Variants in ABLIM1 observed in about 807,000 individuals in gnomAD.
ABLIM1 encodes the protein actin-binding LIM protein 1.
ABLIM1 carries 40 observed loss-of-function variants against 107.0 expected under a neutral mutation model. That is an observed-to-expected ratio of 0.37 (90% CI 0.29 to 0.49). ABLIM1 has a LOEUF of 0.49. ABLIM1 is among the 20% of genes least tolerant of loss of function. The probability of loss-of-function intolerance (pLI) is 0.97; values close to 1 mark genes in which losing one functional copy is unlikely to be tolerated. For missense variants in ABLIM1, 857 were observed against 1,008.5 expected (o/e 0.85, Z 2.04); for synonymous variants, 357 against 357.3 (o/e 1.00, Z 0.01).
At chr10:114,535,066 G>A (rs2065848559) in intron 6 of ABLIM1, among the ~76,000 whole-genome samples, 1 of 152,192 alleles carries the variant, frequency 6.6e-6, no homozygotes, top group African/African-American at 2.4e-5. Context: ...TTCCCAACCT[G>A]ATAGCCATGA....
Position 114,644,329 on chromosome 10 carries a change from A to ATATATATATATGTG in ABLIM1, c.244+13627_244+13628insCACATATATATATA, listed in dbSNP as rs1158947105. Among the ~76,000 whole-genome samples, 189 of 114,844 alleles carry ATATATATATATGTG rather than the reference A, an allele frequency of 1.6e-3. 3 individuals are homozygous for ATATATATATATGTG. The highest frequency in any genetic ancestry group is 7.5e-3 in the African/African-American group (179 of 23,800). The allele number at this position is 114,844 out of a possible 152,430, so 75.3% of individuals were successfully genotyped here. On this transcript the variant is annotated intron_variant, in intron 1 of 22. Coordinates refer to ENST00000533213, the MANE Select transcript of ABLIM1 (RefSeq NM_002313.7). ...AAAATATATATATATATATATATAT[A>ATATATATATATGTG]TGTGTATATATTGTATATATACATA...
At chr10:114,653,259 A>G (rs978291636) in intron 1 of ABLIM1, among the ~76,000 whole-genome samples, 4 of 152,260 alleles carry the variant, frequency 2.6e-5, no homozygotes, top group Admixed American at 1.3e-4. Context: ...CACTTGGCAC[A>G]GGCGAGGTAT....
chr10:114,696,568 G>A (rs1013586656), intron 1 of ABLIM1, among the ~76,000 whole-genome samples: 2 of 151,280 alleles, frequency 1.3e-5, no homozygotes, highest in Non-Finnish European at 2.9e-5. Flanking sequence ...TGAATCATGG[G>A]GCAGTTTCCC....
intron 6 of ABLIM1, among the ~76,000 whole-genome samples, chr10:114,493,425 G>A (rs949838994): frequency 2.6e-5 from 4 of 152,184 alleles, no homozygotes; most frequent in Non-Finnish European, 5.9e-5. Context: ...CTGATCAAGT[G>A]TATTTATCAT....
At chr10:114,773,855 A>G in the ABLIM1 span, among the ~76,000 whole-genome samples, 4 of 150,044 alleles carry the variant, frequency 2.7e-5, no homozygotes, top group Admixed American at 2.7e-4. Flanking sequence ...ATATATAAAT[A>G]TATATGTAAA....
At chr10:114,666,230 G>C (rs79263631) in intron 1 of ABLIM1, among the ~76,000 whole-genome samples, 4,157 of 152,248 alleles carry the variant, frequency 0.027, 181 homozygotes, top group African/African-American at 0.088. Flanking sequence ...GCAGTGTGGA[G>C]AGAAAATTCT....
At chr10:114,636,306 G>A (rs558637060) in intron 1 of ABLIM1, among the ~76,000 whole-genome samples, 24 of 152,358 alleles carry the variant, frequency 1.6e-4, no homozygotes, top group African/African-American at 5.8e-4. Flanking sequence ...TGGGTGACAG[G>A]TGACAGAGGG....
At chr10:114,618,508 G>A (rs540509568) in intron 1 of ABLIM1, among the ~76,000 whole-genome samples, 46 of 152,274 alleles carry the variant, frequency 3.0e-4, no homozygotes, top group Middle Eastern at 6.8e-3. Flanking sequence ...TTGGCTCTAT[G>A]TCCTCCAGGA....
chr10:114,468,042 C>T, intron 11 of ABLIM1, 139 bp downstream of exon 11: 1 of 733,546 alleles, frequency 1.4e-6, no homozygotes, highest in South Asian at 1.7e-5. Context: ...GGAGGTAATC[C>T]CCAAAGCCAC....
At chr10:114,687,918 T>C (rs2080980410), upstream of ABLIM1, among the ~76,000 whole-genome samples, 1 of 152,114 alleles carries the variant, frequency 6.6e-6, no homozygotes, top group Non-Finnish European at 1.5e-5. Flanking sequence ...GCATTTTCCC[T>C]GAACTTGTCT....
intron 1 of ABLIM1, among the ~76,000 whole-genome samples, chr10:114,757,226 T>G (rs762502973): frequency 1.6e-4 from 24 of 152,136 alleles, no homozygotes; most frequent in Non-Finnish European, 1.9e-4. Flanking sequence ...TGCAGCTGAA[T>G]GTAAAGAGGC....
chr10:114,469,704 T>G (rs1370618698), intron 10 of ABLIM1, among the ~76,000 whole-genome samples: 1 of 152,342 alleles, frequency 6.6e-6, no homozygotes, highest in Admixed American at 6.5e-5. Flanking sequence ...ACAAGCTCCA[T>G]GAGGGCAAGG....
chr10:114,747,253 G>A (rs1197344562), intron 1 of ABLIM1, among the ~76,000 whole-genome samples: 1 of 152,102 alleles, frequency 6.6e-6, no homozygotes, highest in African/African-American at 2.4e-5. Context: ...AGTGAAGTGG[G>A]CCATCCAGGC....
chr10:114,724,391 T>C (rs1197125725), intron 1 of ABLIM1, among the ~76,000 whole-genome samples: 1 of 152,162 alleles, frequency 6.6e-6, no homozygotes, highest in Non-Finnish European at 1.5e-5. Flanking sequence ...CTCACTGTCA[T>C]TACCACCTTT....
At chr10:114,625,886 C>T (rs1048565754) in intron 1 of ABLIM1, among the ~76,000 whole-genome samples, 10 of 152,144 alleles carry the variant, frequency 6.6e-5, no homozygotes, top group Non-Finnish European at 1.2e-4. Flanking sequence ...TACTACTTAC[C>T]TTGATGGGTT....
At chr10:114,510,305 A>G (rs2061673261) in intron 6 of ABLIM1, among the ~76,000 whole-genome samples, 1 of 152,150 alleles carries the variant, frequency 6.6e-6, no homozygotes, top group Admixed American at 6.5e-5. Flanking sequence ...GAAAACTTCT[A>G]GACTGAAATG....
intron 2 of ABLIM1, among the ~76,000 whole-genome samples, chr10:114,594,230 C>T (rs1319668040): frequency 2.0e-5 from 3 of 152,214 alleles, no homozygotes; most frequent in Admixed American, 6.5e-5. Flanking sequence ...AGGGTCTAAA[C>T]CAGAGTGAAA....
intron 16 of ABLIM1, among the ~76,000 whole-genome samples, 161 bp downstream of exon 16, chr10:114,445,151 T>A (rs112035693): frequency 3.9e-5 from 6 of 152,184 alleles, no homozygotes; most frequent in African/African-American, 1.2e-4. Context: ...TAGTTACTAT[T>A]AACAGACACC....
At chr10:114,735,320 A>G (rs1161090072) in intron 1 of ABLIM1, among the ~76,000 whole-genome samples, 1 of 152,238 alleles carries the variant, frequency 6.6e-6, no homozygotes, top group Non-Finnish European at 1.5e-5. Context: ...TCGAGTACAG[A>G]TAGGCCTCTA....
Sources: allele counts gnomAD v4.1 joint callset (sites outside exome capture counted in the v4.1 genomes callset), GRCh38; gene constraint gnomAD v4.1.1; transcripts MANE v1.5; gene names NCBI Gene and HGNC (gene_info 2026-07-23, HGNC 2026-07-21).